Variants in ZNF451 observed in about 807,000 individuals in gnomAD.
The protein encoded by ZNF451 is E3 SUMO-protein ligase ZNF451.
ZNF451 carries 80 observed loss-of-function variants against 107.1 expected under a neutral mutation model. The ratio of observed to expected loss-of-function variants is 0.75; its 90% CI spans 0.62 to 0.90. ZNF451 has a LOEUF of 0.90. Among genes scored for constraint, ZNF451 ranks in the 40% least tolerant of loss-of-function variants. The pLI, the probability that ZNF451 is intolerant of heterozygous loss-of-function variation, is 0.00. For missense variants in ZNF451, 1,107 were observed against 1,236.2 expected (o/e 0.90, Z 1.57); for synonymous variants, 362 against 406.5 (o/e 0.89, Z 1.32).
chr6:57,157,823 T>A (rs1668042131), intron 13 of ZNF451, among the ~76,000 whole-genome samples: 1 of 152,330 alleles, frequency 6.6e-6, no homozygotes, highest in Non-Finnish European at 1.5e-5. Flanking sequence ...GCCTCATGTT[T>A]CAGAGATGCA....
chr6:57,130,564 A>G (rs374113827), intron 5 of ZNF451, among the ~76,000 whole-genome samples: 7 of 152,144 alleles, frequency 4.6e-5, no homozygotes, highest in Admixed American at 4.6e-4. Flanking sequence ...TCATCTCTAG[A>G]TCTCTTCTAA....
intron 2 of ZNF451, among the ~76,000 whole-genome samples, chr6:57,094,787 C>G (rs1470392968): frequency 6.6e-6 from 1 of 152,094 alleles, no homozygotes; most frequent in African/African-American, 2.4e-5. Context: ...TTCAGGAACT[C>G]AGGTAATAAA....
At chr6:57,141,225 G>C (rs182451180) in intron 7 of ZNF451, 77 bp from the exon 8 acceptor site, 17 of 1,255,602 alleles carry the variant, frequency 1.4e-5, no homozygotes, top group Non-Finnish European at 1.8e-5. Flanking sequence ...CAACAAATAG[G>C]AAATTTTGAA....
chr6:57,138,356 G>A (rs1235824627), intron 7 of ZNF451, among the ~76,000 whole-genome samples: 6 of 151,550 alleles, frequency 4.0e-5, no homozygotes, highest in Admixed American at 1.3e-4. Flanking sequence ...TCTGCCTCCC[G>A]GGTTCAAACG....
intron 11 of ZNF451, 197 bp downstream of exon 11, chr6:57,151,059 C>A: frequency 1.6e-6 from 1 of 608,452 alleles, no homozygotes; most frequent in Non-Finnish European, 2.6e-6. Flanking sequence ...TATCTGGTGA[C>A]TCAAAGTTTA....
intron 13 of ZNF451, among the ~76,000 whole-genome samples, chr6:57,155,795 A>G (rs977837720): frequency 2.0e-5 from 3 of 150,600 alleles, no homozygotes; most frequent in Non-Finnish European, 4.4e-5. Flanking sequence ...GCCCTTCCAA[A>G]TGACTCTTAT....
At chr6:57,107,230 C>T in intron 3 of ZNF451, 1 of 985,380 alleles carries the variant, frequency 1.0e-6, no homozygotes, top group Non-Finnish European at 1.2e-6. Context: ...TTCAACACCT[C>T]TTTCTGAAAG....
chr6:57,110,555 G>A (rs1214273824), intron 3 of ZNF451, among the ~76,000 whole-genome samples: 5 of 152,108 alleles, frequency 3.3e-5, no homozygotes. Flanking sequence ...AGTGGAATGT[G>A]GTATCCCTTC....
intron 3 of ZNF451, among the ~76,000 whole-genome samples, chr6:57,117,079 C>A (rs551348142): frequency 6.6e-6 from 1 of 152,128 alleles, no homozygotes; most frequent in Admixed American, 6.6e-5. Flanking sequence ...ATAAACAGAT[C>A]AGCAGAATTA....
intron 7 of ZNF451, among the ~76,000 whole-genome samples, chr6:57,138,733 ATATATATATGTGTGTGTGTGTG>A (rs1198051496): frequency 5.4e-5 from 6 of 111,084 alleles, no homozygotes; most frequent in African/African-American, 2.2e-4. Flanking sequence ...ATATATATAT[ATATATATATGTGTGTGTGTGTG>A]TGTGTGTGTG....
intron 4 of ZNF451, 75 bp downstream of exon 4, chr6:57,124,934 C>T (rs1830858813): frequency 7.7e-6 from 8 of 1,040,120 alleles, no homozygotes; most frequent in Non-Finnish European, 1.0e-5. Flanking sequence ...AGCCTTTAAT[C>T]AAAAAAAGAT....
intron 13 of ZNF451, chr6:57,159,164 A>C (rs988742756): frequency 1.0e-6 from 1 of 985,270 alleles, no homozygotes; most frequent in South Asian, 4.7e-5. Context: ...AAGAATATTT[A>C]CGATTTTCTC....
At chr6:57,113,909 G>T (rs1830241494) in intron 3 of ZNF451, among the ~76,000 whole-genome samples, 1 of 152,040 alleles carries the variant, frequency 6.6e-6, no homozygotes, top group South Asian at 2.1e-4. Flanking sequence ...GCGTGATCAC[G>T]CCACCGCGCC....
intron 7 of ZNF451, among the ~76,000 whole-genome samples, chr6:57,138,220 A>T (rs1831532337): frequency 6.7e-6 from 1 of 149,948 alleles, no homozygotes; most frequent in Admixed American, 6.7e-5. Flanking sequence ...TGTGGGTTTC[A>T]GTTTTTAGCC....
At chr6:57,092,503 A>G (rs989027165) in intron 2 of ZNF451, among the ~76,000 whole-genome samples, 1 of 152,218 alleles carries the variant, frequency 6.6e-6, no homozygotes, top group Non-Finnish European at 1.5e-5. Context: ...GTGTAATTAC[A>G]ATACTAGAAG....
At chr6:57,143,236 T>G (rs1313438931) in intron 9 of ZNF451, among the ~76,000 whole-genome samples, 1 of 152,190 alleles carries the variant, frequency 6.6e-6, no homozygotes, top group Non-Finnish European at 1.5e-5. Flanking sequence ...ATTATTTTCT[T>G]CTTTTATGGT....
chr6:57,133,400 A>G (rs975069798), intron 6 of ZNF451, among the ~76,000 whole-genome samples: 2 of 152,186 alleles, frequency 1.3e-5, no homozygotes, highest in African/African-American at 4.8e-5. Context: ...CTTTATGGGT[A>G]TAGCTTTTAA....
chr6:57,096,070 T>C (rs1170929673), intron 2 of ZNF451, among the ~76,000 whole-genome samples: 1 of 151,906 alleles, frequency 6.6e-6, no homozygotes, highest in East Asian at 1.9e-4. Context: ...GTGGTCCACC[T>C]GCCTTGGCCT....
intron 3 of ZNF451, among the ~76,000 whole-genome samples, chr6:57,099,832 T>C (rs1424839940): frequency 1.3e-5 from 2 of 152,254 alleles, no homozygotes; most frequent in African/African-American, 4.8e-5. Context: ...TCTTAGTTAT[T>C]GTTCAGAGTG....
Sources: allele counts gnomAD v4.1 joint callset (sites outside exome capture counted in the v4.1 genomes callset), GRCh38; gene constraint gnomAD v4.1.1; transcripts MANE v1.5; gene names NCBI Gene and HGNC (gene_info 2026-07-23, HGNC 2026-07-21).